Variants in CACNA1C observed in about 807,000 individuals in gnomAD.
CACNA1C encodes calcium voltage-gated channel subunit alpha1 C, also known as voltage-dependent L-type calcium channel subunit alpha-1C.
A neutral mutation model predicts 229.0 loss-of-function variants in CACNA1C; 30 were observed. The ratio of observed to expected loss-of-function variants is 0.13; its 90% CI spans 0.10 to 0.18. The LOEUF (loss-of-function observed/expected upper bound fraction) is 0.18. Among genes scored for constraint, CACNA1C ranks in the 10% least tolerant of loss-of-function variants. The pLI, the probability that CACNA1C is intolerant of heterozygous loss-of-function variation, is 1.00. For synonymous variants in CACNA1C, 1,114 were observed against 1,132.5 expected (o/e 0.98, Z 0.33); for missense variants, 1,658 against 2,845.0 (o/e 0.58, Z 9.49).
chr12:2,590,969 A>G (rs1174396641), intron 18 of CACNA1C, among the ~76,000 whole-genome samples: 2 of 152,204 alleles, frequency 1.3e-5, no homozygotes, highest in African/African-American at 4.8e-5. Flanking sequence ...CTTTAAGTAG[A>G]AGACTTTTCT....
At chr12:2,126,709 A>G (rs1032829281) in intron 3 of CACNA1C, among the ~76,000 whole-genome samples, 1 of 152,174 alleles carries the variant, frequency 6.6e-6, no homozygotes, top group African/African-American at 2.4e-5. Context: ...GACTAGGAAG[A>G]AGGTTGAGAT....
At chr12:2,434,268 T>C (rs2099113835) in intron 3 of CACNA1C, among the ~76,000 whole-genome samples, 1 of 152,196 alleles carries the variant, frequency 6.6e-6, no homozygotes, top group South Asian at 2.1e-4. Flanking sequence ...ATCACATCTC[T>C]TCATCATGTC....
chr12:2,644,388 T>A (rs2094111757), intron 30 of CACNA1C, among the ~76,000 whole-genome samples: 1 of 152,212 alleles, frequency 6.6e-6, no homozygotes, highest in South Asian at 2.1e-4. Flanking sequence ...GGAGGACAAC[T>A]GGGTTGGGTA....
At chr12:2,565,194 C>A (rs565170067) in intron 11 of CACNA1C, among the ~76,000 whole-genome samples, 14 of 152,104 alleles carry the variant, frequency 9.2e-5, no homozygotes, top group Non-Finnish European at 1.2e-4. Flanking sequence ...CCCGGCCGGG[C>A]GCGGTGGCTC....
chr12:2,017,191 AG>A (rs1162443031), intron 1 of CACNA1C, among the ~76,000 whole-genome samples: 2 of 152,220 alleles, frequency 1.3e-5, no homozygotes, highest in Non-Finnish European at 2.9e-5. Context: ...GATGACACCG[AG>A]GGCCTACATG....
intron 4 of CACNA1C, among the ~76,000 whole-genome samples, chr12:2,457,153 A>C (rs2099433892): frequency 1.3e-5 from 2 of 152,152 alleles, no homozygotes; most frequent in Admixed American, 1.3e-4. Context: ...ATCTAGAAGG[A>C]AGGAGGTGGG....
intron 3 of CACNA1C, among the ~76,000 whole-genome samples, chr12:2,283,121 A>C (rs544472049): frequency 5.9e-5 from 9 of 152,180 alleles, no homozygotes; most frequent in African/African-American, 2.2e-4. Flanking sequence ...ATCTTGTTAA[A>C]ATATAGGTTT....
chr12:2,667,298 C>T (rs1211713777), intron 37 of CACNA1C, among the ~76,000 whole-genome samples: 2 of 151,894 alleles, frequency 1.3e-5, no homozygotes, highest in East Asian at 1.9e-4. Flanking sequence ...TCCTTTTCTC[C>T]CTCCTCTCCA....
At position 2,067,132 on chromosome 12, in the gene CACNA1C, G is replaced by A. The variant is rs563304852; in HGVS notation, c.49+13521G>A. On this transcript the variant is annotated intron_variant, in intron 1 of 46. Transcript: ENST00000399655. The surrounding 1 kb of genome is among the most constrained non-coding windows in gnomAD (Gnocchi z 5.3). ...GTGAGACAGCTGCTGACTAGGTCTG[G>A]GGGCAAAGGGTTCTAGCTCTGTAGG... is the stretch of plus-strand genomic sequence containing the variant. 6.6e-6 allele frequency among the ~76,000 whole-genome samples: 1 copy of A among 152,106 alleles called. No homozygotes were observed. The highest frequency in any genetic ancestry group is 1.9e-4 in the East Asian group (1 of 5,184).
chr12:2,154,665 A>C (rs144039690), intron 3 of CACNA1C, among the ~76,000 whole-genome samples: 1 of 152,220 alleles, frequency 6.6e-6, no homozygotes, highest in African/African-American at 2.4e-5. Flanking sequence ...AGGCAGACTT[A>C]TAAATGGGGA....
intron 3 of CACNA1C, among the ~76,000 whole-genome samples, chr12:2,175,828 C>T (rs541138034): frequency 2.1e-4 from 32 of 152,202 alleles, no homozygotes; most frequent in South Asian, 6.2e-4. Flanking sequence ...CATCACTTAC[C>T]GGCTTTCAAA....
At chr12:2,515,057 A>G (rs2099793459) in intron 9 of CACNA1C, among the ~76,000 whole-genome samples, 1 of 152,200 alleles carries the variant, frequency 6.6e-6, no homozygotes, top group Non-Finnish European at 1.5e-5. Context: ...CTCACCTTGC[A>G]CTGCTTCCTT....
At chr12:2,269,006 C>T (rs970061315) in intron 3 of CACNA1C, among the ~76,000 whole-genome samples, 5 of 152,144 alleles carry the variant, frequency 3.3e-5, no homozygotes, top group South Asian at 4.2e-4. Context: ...GGGTGCTTGC[C>T]GGCTCTCTGC....
intron 1 of CACNA1C, among the ~76,000 whole-genome samples, chr12:2,036,341 A>G (rs7971903): frequency 0.051 from 7,689 of 152,132 alleles, 265 homozygotes; most frequent in Middle Eastern, 0.078. Context: ...AGGCGCTCTG[A>G]TCATCTATTG....
chr12:2,665,134 G>A lies in CACNA1C; in HGVS notation c.4398+144G>A, dbSNP rs1430835407. 4 of 774,552 alleles carry A rather than the reference G, an allele frequency of 5.2e-6. No individual in the cohort carries two copies. The South Asian group carries it at 5.4e-5, about 10-fold the overall frequency. 48.0% of individuals were successfully genotyped at this position (774,552 alleles called of 1,614,324 possible). On this transcript the variant is annotated intron_variant, in intron 35 of 46. Coordinates refer to ENST00000399655, the MANE Select transcript of CACNA1C (RefSeq NM_000719.7). This position sits in a 1 kb window ranked among gnomAD's most constrained non-coding sequence, Gnocchi z 5.9. ...AAGACTAAGTTGGCAGGAGTGTCCAGCCACATGGAGAGAAAGGCAGAAAGC... is the reference window on the plus strand; with the variant it reads ...AAGACTAAGTTGGCAGGAGTGTCCAACCACATGGAGAGAAAGGCAGAAAGC...
chr12:2,438,362 A>ATGGTGGTGGTGG, intron 3 of CACNA1C, among the ~76,000 whole-genome samples: 1 of 130,892 alleles, frequency 7.6e-6, no homozygotes, highest in Non-Finnish European at 1.7e-5. Context: ...GGTGGTAATG[A>ATGGTGGTGGTGG]TGGTGGTGGT....
chr12:2,107,075 C>T (rs1386037697), intron 1 of CACNA1C, among the ~76,000 whole-genome samples: 22 of 94,510 alleles, frequency 2.3e-4, no homozygotes, highest in African/African-American at 6.1e-4. Context: ...GTGCTCACCC[C>T]AGGGAGGGTT....
chr12:2,657,234 T>C (rs1011005450), intron 34 of CACNA1C, among the ~76,000 whole-genome samples: 3 of 152,220 alleles, frequency 2.0e-5, no homozygotes, highest in Non-Finnish European at 4.4e-5. Flanking sequence ...ATAAAGTTTA[T>C]ATAAAGTCTA....
At chr12:2,345,438 T>C (rs1344669980) in intron 3 of CACNA1C, among the ~76,000 whole-genome samples, 1 of 152,116 alleles carries the variant, frequency 6.6e-6, no homozygotes, top group Non-Finnish European at 1.5e-5. Flanking sequence ...CCAAAGTGTT[T>C]TAATGATGTA....
Sources: allele counts gnomAD v4.1 joint callset (sites outside exome capture counted in the v4.1 genomes callset), GRCh38; gene constraint gnomAD v4.1.1; non-coding constraint Gnocchi (gnomAD v3.1); transcripts MANE v1.5; gene names NCBI Gene and HGNC (gene_info 2026-07-23, HGNC 2026-07-21).